Variants in OR56B2 observed in about 807,000 individuals in gnomAD.
OR56B2 encodes the protein olfactory receptor 56B2.
At chr11:5,765,527 C>T in the OR56B2 span, 4 of 140,442 alleles carry the variant, frequency 2.8e-5, 2 homozygotes, top group African/African-American at 1.0e-4. Context: ...CATCAATCAT[C>T]ACTGAATCTT....
chr11:5,764,508 T>C, the OR56B2 span, among the ~76,000 whole-genome samples: 2 of 141,302 alleles, frequency 1.4e-5, 1 homozygote, highest in Non-Finnish European at 3.1e-5. Context: ...GTTATTAGAA[T>C]GCTTACACAT....
chr11:5,763,798 T>C, the OR56B2 span, among the ~76,000 whole-genome samples: 1 of 140,034 alleles, frequency 7.1e-6, no homozygotes, highest in African/African-American at 2.6e-5. Context: ...CCCACGCCTT[T>C]AGGTTTCTAT....
chr11:5,763,642 A>G, the OR56B2 span, among the ~76,000 whole-genome samples: 2 of 139,986 alleles, frequency 1.4e-5, 1 homozygote, highest in Non-Finnish European at 3.2e-5. Flanking sequence ...TTATATGTCA[A>G]TAGCCCTAAC....
chr11:5,765,192 C>A, the OR56B2 span: 1 of 181,968 alleles, frequency 5.5e-6, no homozygotes, highest in Non-Finnish European at 1.2e-5. Flanking sequence ...CAGTTGGCAG[C>A]ACTGGCTCTC....
the OR56B2 span, chr11:5,766,780 T>C: frequency 7.1e-6 from 1 of 140,026 alleles, no homozygotes; most frequent in Non-Finnish European, 1.6e-5. Flanking sequence ...CAATACATTG[T>C]TGGGAAGTAA....
the OR56B2 span, among the ~76,000 whole-genome samples, chr11:5,767,743 CG>C: frequency 7.2e-6 from 1 of 139,290 alleles, no homozygotes; most frequent in East Asian, 2.1e-4. Flanking sequence ...ATGAAGTACT[CG>C]TACAATCTGC....
chr11:5,764,683 T>TA, the OR56B2 span, among the ~76,000 whole-genome samples: 3 of 139,734 alleles, frequency 2.1e-5, 1 homozygote, highest in Admixed American at 1.5e-4. Context: ...CCTCCATGCA[T>TA]AAAAAACCAC....
At chr11:5,764,265 T>C in the OR56B2 span, among the ~76,000 whole-genome samples, 2 of 141,136 alleles carry the variant, frequency 1.4e-5, no homozygotes, top group African/African-American at 2.6e-5. Flanking sequence ...TGCCAAAGCA[T>C]TGCTCTCAAA....
the OR56B2 span, among the ~76,000 whole-genome samples, chr11:5,768,952 A>G: frequency 7.2e-6 from 1 of 139,516 alleles, no homozygotes; most frequent in African/African-American, 2.6e-5. Flanking sequence ...TATATAAAAG[A>G]AAAAGTATCA....
the OR56B2 span, among the ~76,000 whole-genome samples, chr11:5,762,180 T>A: frequency 1.1e-4 from 16 of 151,352 alleles, no homozygotes; most frequent in African/African-American, 3.9e-4. Flanking sequence ...GATCATTGTA[T>A]TTTCTAAGAT....
the OR56B2 span, among the ~76,000 whole-genome samples, chr11:5,761,707 A>C: frequency 2.5e-4 from 38 of 152,114 alleles, no homozygotes; most frequent in Non-Finnish European, 2.9e-5. Flanking sequence ...AATACCTGGT[A>C]CCAGTTTCAT....
the OR56B2 span, chr11:5,765,556 G>GGTTCAT: frequency 3.6e-5 from 5 of 140,154 alleles, 1 homozygote; most frequent in South Asian, 1.2e-3. Flanking sequence ...AAAGCAAACG[G>GGTTCAT]GTTCATGGCA....
chr11:5,762,059 AATC>A, the OR56B2 span, among the ~76,000 whole-genome samples: 5 of 152,152 alleles, frequency 3.3e-5, no homozygotes, highest in Non-Finnish European at 7.4e-5. Flanking sequence ...AATGTTTAGC[AATC>A]ATCAATATAT....
the OR56B2 span, chr11:5,766,684 C>T: frequency 7.2e-6 from 1 of 139,144 alleles, no homozygotes; most frequent in East Asian, 2.1e-4. Flanking sequence ...CCCTTTACCC[C>T]CATATTATAC....
At chr11:5,767,807 C>T in the OR56B2 span, among the ~76,000 whole-genome samples, 1 of 138,702 alleles carries the variant, frequency 7.2e-6, no homozygotes, top group South Asian at 2.4e-4. Flanking sequence ...GAAAGCCAAA[C>T]ACAAAAGGCC....
the OR56B2 span, chr11:5,766,450 TAGG>T: frequency 7.1e-6 from 1 of 140,624 alleles, no homozygotes; most frequent in Admixed American, 7.3e-5. Flanking sequence ...ATTGATAAAA[TAGG>T]AGATACTTCT....
At chr11:5,764,436 T>TA in the OR56B2 span, among the ~76,000 whole-genome samples, 4 of 141,076 alleles carry the variant, frequency 2.8e-5, no homozygotes, top group African/African-American at 5.2e-5. Flanking sequence ...CAACTGAATT[T>TA]ACAGAACACT....
the OR56B2 span, among the ~76,000 whole-genome samples, chr11:5,762,204 A>ATT: frequency 0.17 from 25,629 of 151,686 alleles, 2,304 homozygotes; most frequent in East Asian, 0.25. Context: ...TGCCACATGT[A>ATT]TTTTTTTTCT....
the OR56B2 span, chr11:5,766,132 A>G: frequency 4.3e-5 from 6 of 140,748 alleles, no homozygotes; most frequent in East Asian, 1.0e-3. Flanking sequence ...ACTGCTGCAA[A>G]TGGCAGAACA....
Sources: allele counts gnomAD v4.1 joint callset (sites outside exome capture counted in the v4.1 genomes callset), GRCh38; gene constraint gnomAD v4.1.1; transcripts MANE v1.5; gene names NCBI Gene and HGNC (gene_info 2026-07-23, HGNC 2026-07-21).